Variants in NOL4 observed in about 807,000 individuals in gnomAD.
NOL4 encodes cancer/testis antigen 125.
A neutral mutation model predicts 75.9 loss-of-function variants in NOL4; 17 were observed. That is an observed-to-expected ratio of 0.22 (90% CI 0.15 to 0.34). The LOEUF is 0.34. NOL4 is among the 10% of genes least tolerant of loss of function. The pLI is 1.00. For synonymous variants in NOL4, 292 were observed against 289.9 expected (o/e 1.01, Z -0.07); for missense variants, 614 against 793.5 (o/e 0.77, Z 2.72).
intron 4 of NOL4, among the ~76,000 whole-genome samples, chr18:34,099,843 C>T (rs1209129799): frequency 6.6e-6 from 1 of 152,084 alleles, no homozygotes; most frequent in Admixed American, 6.6e-5. Context: ...GAGTAATTCT[C>T]TTTTTCCCTT....
chr18:34,163,056 A>T (rs2031766273), intron 1 of NOL4, among the ~76,000 whole-genome samples: 2 of 152,066 alleles, frequency 1.3e-5, no homozygotes, highest in South Asian at 4.1e-4. Flanking sequence ...CATGCTAAAA[A>T]CTCTCAATAA....
chr18:33,904,047 A>C (rs1337333833), intron 9 of NOL4, among the ~76,000 whole-genome samples: 1 of 152,114 alleles, frequency 6.6e-6, no homozygotes, highest in East Asian at 1.9e-4. Flanking sequence ...CTTATAGATA[A>C]ATTGATTTTA....
At chr18:33,974,553 T>C (rs1318770588) in intron 6 of NOL4, among the ~76,000 whole-genome samples, 2 of 152,042 alleles carry the variant, frequency 1.3e-5, no homozygotes, top group East Asian at 3.9e-4. Context: ...ATGGGAGAAG[T>C]TTGTGGTGAT....
chr18:33,883,641 A>T (rs906045197), intron 9 of NOL4, among the ~76,000 whole-genome samples: 1 of 152,170 alleles, frequency 6.6e-6, no homozygotes, highest in Non-Finnish European at 1.5e-5. Context: ...GGAACAATTG[A>T]CAGTTTTCAA....
At chr18:34,139,589 T>C (rs7241534) in intron 1 of NOL4, among the ~76,000 whole-genome samples, 2,291 of 152,314 alleles carry the variant, frequency 0.015, 60 homozygotes, top group African/African-American at 0.053. Flanking sequence ...TTAGTCTTGC[T>C]AGCGCTCTAT....
chr18:34,206,290 C>T (rs1424390425), intron 1 of NOL4, among the ~76,000 whole-genome samples: 5 of 152,082 alleles, frequency 3.3e-5, no homozygotes, highest in Non-Finnish European at 7.4e-5. Flanking sequence ...TGTATTTTTT[C>T]ATCAGTCATA....
At chr18:33,869,308 A>G (rs2063582184) in intron 10 of NOL4, among the ~76,000 whole-genome samples, 1 of 152,014 alleles carries the variant, frequency 6.6e-6, no homozygotes, top group African/African-American at 2.4e-5. Context: ...TTTTTGTCAA[A>G]TGAGAATCAG....
chr18:34,192,454 G>C (rs563883571), intron 1 of NOL4, among the ~76,000 whole-genome samples: 1 of 151,996 alleles, frequency 6.6e-6, no homozygotes, highest in Non-Finnish European at 1.5e-5. Context: ...ACCTGACTTC[G>C]AAATACACTA....
At chr18:34,162,676 G>T (rs969375453) in intron 1 of NOL4, among the ~76,000 whole-genome samples, 1 of 152,142 alleles carries the variant, frequency 6.6e-6, no homozygotes, top group African/African-American at 2.4e-5. Context: ...GGAGGAACTG[G>T]TACTATTCCT....
chr18:34,101,852 A>C (rs2079056766), intron 4 of NOL4, among the ~76,000 whole-genome samples: 1 of 152,004 alleles, frequency 6.6e-6, no homozygotes. Flanking sequence ...AAAACCTTCT[A>C]ATGGCTCCCC....
chr18:34,148,233 T>C (rs912824887), intron 1 of NOL4, among the ~76,000 whole-genome samples: 1 of 151,814 alleles, frequency 6.6e-6, no homozygotes, highest in Non-Finnish European at 1.5e-5. Flanking sequence ...CTCTGATCTT[T>C]GTTATCTCTT....
intron 1 of NOL4, among the ~76,000 whole-genome samples, chr18:34,197,446 TA>T (rs1172999994): frequency 6.6e-6 from 1 of 152,048 alleles, no homozygotes; most frequent in African/African-American, 2.4e-5. Flanking sequence ...AGAACAAAGC[TA>T]TATGTTTTAT....
At chr18:33,916,018 T>C (rs2066701025) in intron 9 of NOL4, among the ~76,000 whole-genome samples, 1 of 152,126 alleles carries the variant, frequency 6.6e-6, no homozygotes, top group South Asian at 2.1e-4. Context: ...AGCACAGCAG[T>C]GGGGGAGGTG....
chr18:33,892,177 T>C lies in NOL4; in HGVS notation c.1543-8753A>G, dbSNP rs138068096. Reference sequence around the variant, plus strand: ...CAGTTGCAGTCGCTCATGCCTGTAATCCCAATGCTTGGGAGGCTGAGGTGG... The same window carrying C: ...CAGTTGCAGTCGCTCATGCCTGTAACCCCAATGCTTGGGAGGCTGAGGTGG... On this transcript the variant is annotated intron_variant, in intron 9 of 10. Transcript: ENST00000261592. Among the ~76,000 whole-genome samples, 841 of 152,208 alleles carry C rather than the reference T, an allele frequency of 5.5e-3. 13 individuals are homozygous for C. The highest frequency in any genetic ancestry group is 0.019 in the African/African-American group (792 of 41,562).
At chr18:34,209,919 T>C (rs111475913) in intron 1 of NOL4, among the ~76,000 whole-genome samples, 3,477 of 152,210 alleles carry the variant, frequency 0.023, 130 homozygotes, top group African/African-American at 0.075. Context: ...AAACACTAAG[T>C]TCCTCAGTTA....
At chr18:33,935,453 G>A (rs1296105076) in intron 9 of NOL4, among the ~76,000 whole-genome samples, 3 of 151,956 alleles carry the variant, frequency 2.0e-5, no homozygotes, top group Non-Finnish European at 4.4e-5. Flanking sequence ...ATGGCTGGTG[G>A]GTGGGGTGGT....
At chr18:33,913,440 C>T (rs887471663) in intron 9 of NOL4, among the ~76,000 whole-genome samples, 2 of 152,108 alleles carry the variant, frequency 1.3e-5, no homozygotes, top group Admixed American at 6.6e-5. Flanking sequence ...ACCATCCTAA[C>T]GATACTATAT....
chr18:34,187,370 C>CTT (rs545524361), intron 1 of NOL4, among the ~76,000 whole-genome samples: 1,192 of 78,306 alleles, frequency 0.015, 20 homozygotes, highest in African/African-American at 0.02. Flanking sequence ...TAGTCCACTT[C>CTT]TTTTTTTTTT....
At chr18:34,071,067 A>G (rs1157458513) in intron 5 of NOL4, among the ~76,000 whole-genome samples, 1 of 152,166 alleles carries the variant, frequency 6.6e-6, no homozygotes, top group African/African-American at 2.4e-5. Flanking sequence ...ACAACAGTGT[A>G]TATTTCAAGG....
Sources: gnomAD v4.1 joint callset for allele counts (sites outside exome capture counted in the v4.1 genomes callset) on GRCh38, gnomAD v4.1.1 for gene constraint, MANE v1.5 for transcripts, NCBI Gene and HGNC (gene_info 2026-07-23, HGNC 2026-07-21) for gene names.